Variants in ZFAND3 observed in about 807,000 individuals in gnomAD.
ZFAND3 encodes AN1-type zinc finger protein 3.
In ZFAND3, 10 loss-of-function variants were observed where a neutral mutation model predicts 29.6. That is an observed-to-expected ratio of 0.34 (90% CI 0.21 to 0.57). The LOEUF (loss-of-function observed/expected upper bound fraction) is 0.57, where lower values mean the gene tolerates loss of function less well. Among genes scored for constraint, ZFAND3 ranks in the 20% least tolerant of loss-of-function variants. The probability of loss-of-function intolerance (pLI) is 0.86; values close to 1 mark genes in which losing one functional copy is unlikely to be tolerated. For synonymous variants in ZFAND3, 128 were observed against 112.6 expected, an observed-to-expected ratio of 1.14 and a Z score of -0.87; for missense variants, 230 against 304.5, an observed-to-expected ratio of 0.76 and a Z score of 1.82.
At chr6:38,012,377 ATTTTT>A (rs67495073) in intron 2 of ZFAND3, among the ~76,000 whole-genome samples, 1 of 123,338 alleles carries the variant, frequency 8.1e-6, no homozygotes, top group Non-Finnish European at 1.7e-5. Context: ...TTTTGATAGT[ATTTTT>A]TTTTTTTTTT....
chr6:37,920,840 A>T (rs1288679655), intron 1 of ZFAND3, among the ~76,000 whole-genome samples: 3 of 152,164 alleles, frequency 2.0e-5, no homozygotes, highest in Non-Finnish European at 4.4e-5. Flanking sequence ...CTAGGATGTC[A>T]TCTGTTTGAA....
chr6:38,100,154 C>T (rs573349866), intron 4 of ZFAND3, among the ~76,000 whole-genome samples: 6 of 152,204 alleles, frequency 3.9e-5, no homozygotes, highest in African/African-American at 1.4e-4. Flanking sequence ...ACCTCCGCCT[C>T]CCAGGTTCAA....
intron 4 of ZFAND3, among the ~76,000 whole-genome samples, chr6:38,083,286 G>A (rs1338590577): frequency 6.6e-6 from 1 of 152,066 alleles, no homozygotes; most frequent in East Asian, 1.9e-4. Context: ...CCTCAGTCAG[G>A]CCCATGTTTG....
chr6:38,029,225 T>A (rs1202544091), intron 2 of ZFAND3, among the ~76,000 whole-genome samples: 1 of 152,216 alleles, frequency 6.6e-6, no homozygotes, highest in Admixed American at 6.5e-5. Context: ...AATGTCTCCA[T>A]CAGGCCATAT....
chr6:37,888,292 A>G (rs1421001684), intron 1 of ZFAND3, among the ~76,000 whole-genome samples: 1 of 152,174 alleles, frequency 6.6e-6, no homozygotes, highest in Non-Finnish European at 1.5e-5. Context: ...GCAAGTTTGA[A>G]TGTCACATAG....
chr6:37,820,450 C>T (rs1763644458), intron 1 of ZFAND3, among the ~76,000 whole-genome samples: 1 of 152,190 alleles, frequency 6.6e-6, no homozygotes, highest in South Asian at 2.1e-4. Flanking sequence ...ACTTCTTCAC[C>T]TCCCCTCCTC....
intron 2 of ZFAND3, among the ~76,000 whole-genome samples, chr6:38,000,858 T>C (rs1010276509): frequency 1.3e-5 from 2 of 152,250 alleles, no homozygotes; most frequent in Non-Finnish European, 2.9e-5. Flanking sequence ...TTGTCTTTAC[T>C]TTTATTCCAA....
chr6:37,867,301 A>C (rs933198555), intron 1 of ZFAND3, among the ~76,000 whole-genome samples: 1 of 152,018 alleles, frequency 6.6e-6, no homozygotes, highest in Non-Finnish European at 1.5e-5. Flanking sequence ...CAACATTTAT[A>C]TTTTCGTGCG....
chr6:38,063,219 T>TATATTTG (rs1764277069), intron 3 of ZFAND3, among the ~76,000 whole-genome samples: 2 of 152,194 alleles, frequency 1.3e-5, no homozygotes, highest in Non-Finnish European at 2.9e-5. Context: ...TCTAAATCTG[T>TATATTTG]CATAAACTGC....
At chr6:37,896,848 A>G (rs1031573362) in intron 1 of ZFAND3, among the ~76,000 whole-genome samples, 1 of 151,964 alleles carries the variant, frequency 6.6e-6, no homozygotes, top group African/African-American at 2.4e-5. Flanking sequence ...AGTAAAGCCA[A>G]CCGAGACTGA....
intron 2 of ZFAND3, among the ~76,000 whole-genome samples, chr6:37,975,055 A>G (rs1762456297): frequency 6.6e-6 from 1 of 152,226 alleles, no homozygotes; most frequent in Non-Finnish European, 1.5e-5. Context: ...ACTTTTTAAG[A>G]AACTGCCAAA....
At chr6:38,135,818 G>C (rs1765831593) in intron 5 of ZFAND3, among the ~76,000 whole-genome samples, 1 of 152,076 alleles carries the variant, frequency 6.6e-6, no homozygotes. Flanking sequence ...ACACACGTAA[G>C]AGCTGCTTGG....
chr6:38,005,043 C>T (rs1169345460), intron 2 of ZFAND3, among the ~76,000 whole-genome samples: 8 of 152,266 alleles, frequency 5.3e-5, no homozygotes, highest in African/African-American at 1.9e-4. Flanking sequence ...AAACCTGTAA[C>T]AAGAAGAGAT....
At chr6:38,139,722 G>A (rs1361780410) in intron 5 of ZFAND3, among the ~76,000 whole-genome samples, 1 of 152,182 alleles carries the variant, frequency 6.6e-6, no homozygotes, top group African/African-American at 2.4e-5. Context: ...GCTGCCCTGA[G>A]GAAGGTGGCT....
At chr6:38,114,821 A>C (rs1019312452) in intron 4 of ZFAND3, among the ~76,000 whole-genome samples, 1 of 152,224 alleles carries the variant, frequency 6.6e-6, no homozygotes, top group Non-Finnish European at 1.5e-5. Flanking sequence ...CTAGGAGACA[A>C]ATTCATTCAT....
chr6:38,089,575 T>C (rs1399786678), intron 4 of ZFAND3, among the ~76,000 whole-genome samples: 3 of 152,222 alleles, frequency 2.0e-5, no homozygotes, highest in Non-Finnish European at 2.9e-5. Flanking sequence ...AAGGGAAATG[T>C]TTCCTTGTTG....
At chr6:38,068,715 A>G (rs1163019483) in intron 3 of ZFAND3, among the ~76,000 whole-genome samples, 2 of 152,172 alleles carry the variant, frequency 1.3e-5, no homozygotes, top group Non-Finnish European at 2.9e-5. Context: ...TTGTTGTAGT[A>G]AAATAAAATA....
Position 38,043,739 on chromosome 6 carries a change from G to A in ZFAND3, c.113-17854G>A, listed in dbSNP as rs528480863. 5.9e-5 allele frequency among the ~76,000 whole-genome samples: 9 copies of A among 152,198 alleles called. No individual in the cohort carries two copies. In the South Asian group the frequency reaches 1.9e-3, roughly 32 times the overall value. On this transcript the variant is annotated intron_variant, in intron 2 of 5. Coordinates refer to ENST00000287218, the MANE Select transcript of ZFAND3 (RefSeq NM_021943.3). ...GACTCCTCCTGCCTCAGTCTCCTGA[G>A]TAGCTAAGACTAAAGGTGCAGGCTC...
At chr6:37,940,345 A>G (rs1056223059) in intron 2 of ZFAND3, among the ~76,000 whole-genome samples, 2 of 152,204 alleles carry the variant, frequency 1.3e-5, no homozygotes, top group Admixed American at 6.5e-5. Context: ...TTTCCTGGAT[A>G]TAATACCCAC....
Sources: gnomAD v4.1 joint callset for allele counts (sites outside exome capture counted in the v4.1 genomes callset) on GRCh38, gnomAD v4.1.1 for gene constraint, MANE v1.5 for transcripts, NCBI Gene and HGNC (gene_info 2026-07-23, HGNC 2026-07-21) for gene names.